GALNTL6: variants seen among roughly 807,000 people sequenced by gnomAD.
The protein encoded by GALNTL6 is polypeptide N-acetylgalactosaminyltransferase-like 6.
A neutral mutation model predicts 73.7 loss-of-function variants in GALNTL6; 46 were observed. The ratio of observed to expected loss-of-function variants is 0.62; its 90% CI spans 0.49 to 0.80. The LOEUF is 0.80. GALNTL6 is among the 30% of genes least tolerant of loss of function. The pLI, the probability that GALNTL6 is intolerant of heterozygous loss-of-function variation, is 0.00. For synonymous variants in GALNTL6, 259 were observed against 263.7 expected (o/e 0.98, Z 0.17); for missense variants, 604 against 755.0 (o/e 0.80, Z 2.34).
intron 7 of GALNTL6, among the ~76,000 whole-genome samples, chr4:172,815,585 A>G (rs1357874498): frequency 6.6e-6 from 1 of 152,208 alleles, no homozygotes; most frequent in East Asian, 1.9e-4. Flanking sequence ...AAATGCCGTC[A>G]GAGGAATCTG....
intron 5 of GALNTL6, among the ~76,000 whole-genome samples, chr4:172,584,111 A>G (rs556985092): frequency 6.6e-6 from 1 of 152,080 alleles, no homozygotes; most frequent in African/African-American, 2.4e-5. Context: ...GCCAATGAAG[A>G]ACAGGGACAA....
intron 4 of GALNTL6, among the ~76,000 whole-genome samples, chr4:172,329,995 G>T (rs1484714465): frequency 6.6e-6 from 1 of 152,222 alleles, no homozygotes; most frequent in Non-Finnish European, 1.5e-5. Flanking sequence ...CCTCTTGGGA[G>T]CTGCATCTCA....
At chr4:172,825,701 A>G (rs998626874) in intron 7 of GALNTL6, among the ~76,000 whole-genome samples, 4 of 151,916 alleles carry the variant, frequency 2.6e-5, no homozygotes, top group Non-Finnish European at 5.9e-5. Context: ...TGATTACATC[A>G]CAAGCCACAA....
intron 2 of GALNTL6, among the ~76,000 whole-genome samples, chr4:171,962,489 G>A (rs1057077712): frequency 6.6e-6 from 1 of 152,084 alleles, no homozygotes; most frequent in South Asian, 2.1e-4. Context: ...TAATTCATTA[G>A]CATGCTAAAA....
At position 172,374,967 on chromosome 4, in the gene GALNTL6, C is replaced by G. The variant is rs547279477; in HGVS notation, c.553+26278C>G. On this transcript the variant is annotated intron_variant, in intron 5 of 12. Transcript: ENST00000506823. ...TCAGAGAGGGAGAAGGGGACATGTA[C>G]CTGGGTTGGGCCAAATTCCCCTCCC... Among the ~76,000 whole-genome samples, 170 of 152,284 alleles carry G rather than the reference C, an allele frequency of 1.1e-3. 1 individual carries two copies. The highest frequency in any genetic ancestry group is 2.2e-3 in the Non-Finnish European group (147 of 68,034).
Position 172,356,799 on chromosome 4 carries a change from A to T in GALNTL6, c.553+8110A>T, listed in dbSNP as rs183422570. ...AAGTCACACAGTGGGTCAATTTTATATGCTTTGATAAATGCTAGTTTAATT... is the reference window on the plus strand; with the variant it reads ...AAGTCACACAGTGGGTCAATTTTATTTGCTTTGATAAATGCTAGTTTAATT... On this transcript the variant is annotated intron_variant, in intron 5 of 12. Transcript: ENST00000506823. Among the ~76,000 whole-genome samples, 7 of 152,304 alleles carry T rather than the reference A, an allele frequency of 4.6e-5. No individual in the cohort carries two copies. In the East Asian group the frequency reaches 1.2e-3, roughly 25 times the overall value.
At chr4:172,445,664 A>G (rs1731993331) in intron 5 of GALNTL6, among the ~76,000 whole-genome samples, 1 of 152,130 alleles carries the variant, frequency 6.6e-6, no homozygotes. Context: ...TATGGTAGAG[A>G]GAGTTCTTTC....
At chr4:172,746,596 T>G (rs989354893) in intron 5 of GALNTL6, among the ~76,000 whole-genome samples, 4 of 152,132 alleles carry the variant, frequency 2.6e-5, no homozygotes, top group African/African-American at 9.6e-5. Context: ...ACCTTTTATT[T>G]TTGAATTTTC....
At chr4:172,168,685 A>C (rs1022245835) in intron 2 of GALNTL6, among the ~76,000 whole-genome samples, 2 of 151,964 alleles carry the variant, frequency 1.3e-5, no homozygotes. Context: ...TGGTGACATA[A>C]TAATGATGAT....
chr4:172,054,516 G>A (rs1053281678), intron 2 of GALNTL6, among the ~76,000 whole-genome samples: 1 of 152,048 alleles, frequency 6.6e-6, no homozygotes, highest in Non-Finnish European at 1.5e-5. Flanking sequence ...TTCAATATCC[G>A]GTGAAGTCCC....
At chr4:173,026,052 C>T (rs571674044) in intron 12 of GALNTL6, among the ~76,000 whole-genome samples, 113 of 152,256 alleles carry the variant, frequency 7.4e-4, no homozygotes, top group African/African-American at 2.6e-3. Flanking sequence ...CAAAATTGAG[C>T]GCTATCTCCC....
chr4:172,341,778 C>G (rs1243140714), intron 4 of GALNTL6, among the ~76,000 whole-genome samples: 1 of 152,178 alleles, frequency 6.6e-6, no homozygotes, highest in Non-Finnish European at 1.5e-5. Context: ...CCATACGGAA[C>G]AGTAAGTCCA....
chr4:172,407,384 A>G (rs1744274622), intron 5 of GALNTL6, among the ~76,000 whole-genome samples: 1 of 152,100 alleles, frequency 6.6e-6, no homozygotes, highest in South Asian at 2.1e-4. Context: ...GTGATAAAAA[A>G]TTCATGAAGA....
intron 8 of GALNTL6, among the ~76,000 whole-genome samples, chr4:172,896,768 C>T (rs1746356320): frequency 6.6e-6 from 1 of 152,154 alleles, no homozygotes. Context: ...GCATCAGAGA[C>T]TGGAAACCCC....
At chr4:172,530,245 G>A (rs1027748585) in intron 5 of GALNTL6, among the ~76,000 whole-genome samples, 3 of 152,002 alleles carry the variant, frequency 2.0e-5, no homozygotes, top group African/African-American at 4.8e-5. Flanking sequence ...TCGATAATTT[G>A]TCTCTTCCTT....
At chr4:172,461,788 C>T (rs1019535295) in intron 5 of GALNTL6, among the ~76,000 whole-genome samples, 1 of 152,114 alleles carries the variant, frequency 6.6e-6, no homozygotes, top group Non-Finnish European at 1.5e-5. Flanking sequence ...AAGAGTGGAA[C>T]TATAGATCTG....
chr4:172,242,374 C>A (rs2110995524), intron 3 of GALNTL6, among the ~76,000 whole-genome samples: 1 of 152,048 alleles, frequency 6.6e-6, no homozygotes, highest in South Asian at 2.1e-4. Flanking sequence ...CATTATATCA[C>A]TGATATGTTT....
At chr4:171,821,287 C>G (rs561782717) in intron 2 of GALNTL6, among the ~76,000 whole-genome samples, 139 of 152,230 alleles carry the variant, frequency 9.1e-4, no homozygotes, top group South Asian at 1.5e-3. Context: ...GAGATCCCCC[C>G]ACTTCAGCCT....
intron 5 of GALNTL6, among the ~76,000 whole-genome samples, chr4:172,520,787 C>T (rs1579148899): frequency 2.6e-5 from 4 of 151,938 alleles, no homozygotes; most frequent in Non-Finnish European, 4.4e-5. Flanking sequence ...ATGTTACATA[C>T]AGATCCATTT....
Sources: gnomAD v4.1 joint callset for allele counts (sites outside exome capture counted in the v4.1 genomes callset) on GRCh38, gnomAD v4.1.1 for gene constraint, MANE v1.5 for transcripts, NCBI Gene and HGNC (gene_info 2026-07-23, HGNC 2026-07-21) for gene names.